Variants in LRP1B observed in about 807,000 individuals in gnomAD.
The protein encoded by LRP1B is LDL receptor related protein 1B.
Under a neutral mutation model 556.6 loss-of-function variants are expected in LRP1B, and 217 were observed. The ratio of observed to expected loss-of-function variants is 0.39; its 90% CI spans 0.35 to 0.44. The LOEUF (loss-of-function observed/expected upper bound fraction) is 0.44. LRP1B is among the 20% of genes least tolerant of loss of function. The pLI is 1.00. For missense variants in LRP1B, 5,053 were observed against 5,620.8 expected, an observed-to-expected ratio of 0.90 and a Z score of 3.23; for synonymous variants, 2,047 against 1,865.8, an observed-to-expected ratio of 1.10 and a Z score of -2.50.
At chr2:140,545,922 CCTCCGA>C (rs1680318292) in intron 43 of LRP1B, among the ~76,000 whole-genome samples, 1 of 151,768 alleles carries the variant, frequency 6.6e-6, no homozygotes, top group Non-Finnish European at 1.5e-5. Context: ...ACTTGTGTCA[CCTCCGA>C]CTTCATTGAG....
At chr2:140,456,030 G>A (rs16843984) in intron 62 of LRP1B, among the ~76,000 whole-genome samples, 9,834 of 152,102 alleles carry the variant, frequency 0.065, 409 homozygotes, top group African/African-American at 0.08. Context: ...TTGATCACAT[G>A]ATTTATTTTA....
intron 37 of LRP1B, among the ~76,000 whole-genome samples, chr2:140,712,606 C>T (rs1453944604): frequency 6.6e-6 from 1 of 151,916 alleles, no homozygotes; most frequent in African/African-American, 2.4e-5. Flanking sequence ...TAAGAAAAAC[C>T]TTATACTCTA....
intron 7 of LRP1B, among the ~76,000 whole-genome samples, chr2:141,124,949 T>C (rs1346648054): frequency 1.3e-5 from 2 of 152,180 alleles, no homozygotes; most frequent in Admixed American, 1.3e-4. Context: ...CACCTTTCCC[T>C]TTGTGGTGTG....
chr2:141,929,912 C>CAAA (rs70994467), intron 1 of LRP1B, among the ~76,000 whole-genome samples: 5 of 104,124 alleles, frequency 4.8e-5, no homozygotes, highest in African/African-American at 1.1e-4. Flanking sequence ...CGGATGGAAA[C>CAAA]AAAAAAAAAA....
At chr2:142,105,476 C>A (rs1706715261) in intron 1 of LRP1B, among the ~76,000 whole-genome samples, 1 of 152,008 alleles carries the variant, frequency 6.6e-6, no homozygotes, top group South Asian at 2.1e-4. Flanking sequence ...CTGTATAGTT[C>A]ACAAAATGTA....
chr2:142,071,109 T>C (rs1189727446), intron 1 of LRP1B, among the ~76,000 whole-genome samples: 1 of 151,700 alleles, frequency 6.6e-6, no homozygotes. Flanking sequence ...GGAGGGGAAA[T>C]AGAGGATGGG....
chr2:140,603,992 T>C (rs560403412), intron 41 of LRP1B, among the ~76,000 whole-genome samples: 60 of 152,158 alleles, frequency 3.9e-4, no homozygotes, highest in Non-Finnish European at 7.1e-4. Flanking sequence ...GTTTGAACAT[T>C]GAGATTCCTA....
chr2:141,440,351 A>C (rs1559071492), intron 3 of LRP1B, among the ~76,000 whole-genome samples: 1 of 152,218 alleles, frequency 6.6e-6, no homozygotes. Flanking sequence ...GCCAGCGCTC[A>C]TGTGGACTTC....
chr2:140,672,730 C>A (rs1182423452), intron 41 of LRP1B, among the ~76,000 whole-genome samples: 1 of 152,212 alleles, frequency 6.6e-6, no homozygotes, highest in Non-Finnish European at 1.5e-5. Context: ...ATTTCCTCCT[C>A]TCTCTTTCTC....
At chr2:140,311,709 C>A (rs980721369) in intron 83 of LRP1B, among the ~76,000 whole-genome samples, 3 of 151,804 alleles carry the variant, frequency 2.0e-5, no homozygotes, top group African/African-American at 7.2e-5. Context: ...ACCAAATATC[C>A]AGTTTTCAGC....
intron 2 of LRP1B, among the ~76,000 whole-genome samples, chr2:141,809,354 A>G (rs1235748701): frequency 6.6e-6 from 1 of 152,146 alleles, no homozygotes; most frequent in African/African-American, 2.4e-5. Context: ...TTATTTCTAC[A>G]ATATCAAGTA....
chr2:140,579,586 A>G (rs1681676931), intron 43 of LRP1B, among the ~76,000 whole-genome samples: 1 of 152,108 alleles, frequency 6.6e-6, no homozygotes, highest in African/African-American at 2.4e-5. Context: ...TCAGGCCTGT[A>G]ATCTCAGCCC....
At chr2:140,600,767 G>GTTTTTTTTTTTTTTTTTTTTTT (rs61336155) in intron 42 of LRP1B, among the ~76,000 whole-genome samples, 12 of 56,896 alleles carry the variant, frequency 2.1e-4, no homozygotes, top group East Asian at 3.6e-4. Context: ...GTTCTTCGGG[G>GTTTTTTTTTTTTTTTTTTTTTT]TTTTTTTTTT....
chr2:141,343,965 C>A (rs1367803623), intron 3 of LRP1B, among the ~76,000 whole-genome samples: 1 of 152,084 alleles, frequency 6.6e-6, no homozygotes. Context: ...CTGTGGTCTG[C>A]CTAGAGGAAC....
At chr2:141,798,195 T>C (rs962083305) in intron 2 of LRP1B, among the ~76,000 whole-genome samples, 2 of 152,154 alleles carry the variant, frequency 1.3e-5, no homozygotes. Context: ...GTATGCGTGA[T>C]GTGAACATGA....
At chr2:142,037,103 G>A (rs1291342122) in intron 1 of LRP1B, among the ~76,000 whole-genome samples, 1 of 151,608 alleles carries the variant, frequency 6.6e-6, no homozygotes, top group African/African-American at 2.4e-5. Flanking sequence ...GTTCATAAAT[G>A]CCTGAAGTGC....
intron 32 of LRP1B, among the ~76,000 whole-genome samples, chr2:140,808,953 A>G (rs1690823213): frequency 6.6e-6 from 1 of 152,040 alleles, no homozygotes; most frequent in South Asian, 2.1e-4. Flanking sequence ...TCTGTATACT[A>G]TACCAGCTCT....
At chr2:141,584,340 A>G (rs2105284320) in intron 2 of LRP1B, among the ~76,000 whole-genome samples, 1 of 152,292 alleles carries the variant, frequency 6.6e-6, no homozygotes, top group South Asian at 2.1e-4. Flanking sequence ...GAGAAGTGAG[A>G]TGAGAGAGCC....
At chr2:142,095,882 A>C (rs752166616) in intron 1 of LRP1B, among the ~76,000 whole-genome samples, 1 of 151,722 alleles carries the variant, frequency 6.6e-6, no homozygotes, top group Non-Finnish European at 1.5e-5. Context: ...CCCAAAAAAC[A>C]AAAGACATTA....
Sources: allele counts gnomAD v4.1 joint callset (sites outside exome capture counted in the v4.1 genomes callset), GRCh38; gene constraint gnomAD v4.1.1; transcripts MANE v1.5; gene names NCBI Gene and HGNC (gene_info 2026-07-23, HGNC 2026-07-21).